TRPM3: variants seen among roughly 807,000 people sequenced by gnomAD.
The protein encoded by TRPM3 is transient receptor potential cation channel subfamily M member 3.
A neutral mutation model predicts 181.2 loss-of-function variants in TRPM3; 77 were observed. The ratio of observed to expected loss-of-function variants is 0.42; its 90% CI spans 0.35 to 0.51. TRPM3 has a LOEUF of 0.51. Among genes scored for constraint, TRPM3 ranks in the 20% least tolerant of loss-of-function variants. The pLI is 0.01. For synonymous variants in TRPM3, 745 were observed against 796.4 expected, an observed-to-expected ratio of 0.94 and a Z score of 1.09; for missense variants, 1,759 against 2,196.7, an observed-to-expected ratio of 0.80 and a Z score of 3.98.
intron 9 of TRPM3, among the ~76,000 whole-genome samples, chr9:70,654,961 G>A (rs912187851): frequency 9.9e-5 from 15 of 151,192 alleles, no homozygotes; most frequent in South Asian, 2.1e-4. Context: ...GGGATTACAG[G>A]CGTGAAGCAC....
At chr9:70,761,364 G>T (rs913578340) in intron 8 of TRPM3, 2 of 654,016 alleles carry the variant, frequency 3.1e-6, no homozygotes, top group Non-Finnish European at 5.6e-6. Flanking sequence ...GCGTTTGGAT[G>T]AGCTCCAAAA....
chr9:71,193,383 T>A (rs1443882195), intron 1 of TRPM3, among the ~76,000 whole-genome samples: 1 of 151,908 alleles, frequency 6.6e-6, no homozygotes, highest in Non-Finnish European at 1.5e-5. Context: ...ATAATTCTCA[T>A]GACTTTACCC....
intron 8 of TRPM3, among the ~76,000 whole-genome samples, chr9:70,689,074 T>A (rs910056185): frequency 1.3e-5 from 2 of 152,184 alleles, no homozygotes; most frequent in African/African-American, 4.8e-5. Context: ...GCAAAGTGAA[T>A]GTGGTGTATT....
At chr9:70,882,440 C>T (rs1381916773) in intron 1 of TRPM3, among the ~76,000 whole-genome samples, 1 of 152,010 alleles carries the variant, frequency 6.6e-6, no homozygotes, top group Non-Finnish European at 1.5e-5. Context: ...TTTTTCATTG[C>T]TGGTTGTTAG....
At chr9:71,342,932 T>A (rs145268877) in intron 1 of TRPM3, among the ~76,000 whole-genome samples, 56 of 152,264 alleles carry the variant, frequency 3.7e-4, no homozygotes, top group Admixed American at 2.0e-3. Context: ...TGAAGAATCC[T>A]TTAATGCCTA....
rs140148752 is a variant in TRPM3 at position 70,761,494 on chromosome 9, G to T, written c.1272+107C>A. Reference sequence around the variant, plus strand: ...CAATGGAGCCTGAGGAGAGCTGTAAGCTCGGCCAGAAAGAGAGAATGTTGC... The same window carrying T: ...CAATGGAGCCTGAGGAGAGCTGTAATCTCGGCCAGAAAGAGAGAATGTTGC... On this transcript the variant is annotated intron_variant, in intron 8 of 25. Coordinates refer to ENST00000677713, the MANE Select transcript of TRPM3 (RefSeq NM_001366145.2). 1.8e-4 allele frequency: 280 copies of T among 1,528,624 alleles called. No homozygotes were observed. In the African/African-American group the frequency reaches 3.6e-3, roughly 20 times the overall value. 94.7% of individuals were successfully genotyped at this position (1,528,624 alleles called of 1,614,324 possible).
At position 71,446,708 on chromosome 9, in the gene TRPM3, A is replaced by T; in HGVS notation, c.128T>A (p.Leu43Ter). 1 of 1,550,576 alleles carries T rather than the reference A, an allele frequency of 6.4e-7. No individual in the cohort carries two copies. Among genetic ancestry groups the T allele is most frequent in the Non-Finnish European group, 8.7e-7 (1 of 1,146,968 alleles). Residue 43 changes from leucine to a stop codon, truncating the protein, a stop_gained, in exon 1 of 25, where the codon TTA becomes TAA. Transcript: ENST00000357533. LOFTEE classifies it high-confidence loss of function. ...TTTGGTGGACCCCTGCTTGGAACTT[A>T]ACCTTTTCCACGACTCGGCAAACCT...
chr9:70,960,464 TG>T (rs1315317918), intron 1 of TRPM3, among the ~76,000 whole-genome samples: 1 of 152,194 alleles, frequency 6.6e-6, no homozygotes, highest in Non-Finnish European at 1.5e-5. Context: ...GAAAACCTTC[TG>T]GGACACCTGG....
At position 70,948,834 on chromosome 9, in the gene TRPM3, C is replaced by T. The variant is rs72729801; in HGVS notation, c.178-84323G>A. ...ATGGATTTGCTTGAACTACTTAAAC[C>T]GTTTTTCTATTGCCAAGAATAGTAA... is the stretch of plus-strand genomic sequence containing the variant. On this transcript the variant is annotated intron_variant, in intron 1 of 25. Coordinates refer to ENST00000677713, the MANE Select transcript of TRPM3 (RefSeq NM_001366145.2). 5.3e-3 allele frequency among the ~76,000 whole-genome samples: 809 copies of T among 152,226 alleles called. 8 individuals are homozygous for T. Among genetic ancestry groups the T allele is most frequent in the Middle Eastern group, 0.014 (4 of 294 alleles).
At chr9:71,386,827 ACAAT>A (rs1267109143) in intron 1 of TRPM3, among the ~76,000 whole-genome samples, 1 of 152,212 alleles carries the variant, frequency 6.6e-6, no homozygotes, top group African/African-American at 2.4e-5. Context: ...GAAGAAAATG[ACAAT>A]CAGTGTTCCG....
intron 1 of TRPM3, among the ~76,000 whole-genome samples, chr9:71,328,881 C>A (rs1345041699): frequency 1.3e-5 from 2 of 152,322 alleles, no homozygotes; most frequent in African/African-American, 4.8e-5. Flanking sequence ...AGCAATGTAT[C>A]CCTATAACCA....
rs182032943 is a variant in TRPM3, at chr9:70,846,723, G to T, written c.463-132C>A. The T allele has an allele frequency of 4.3e-5, 29 of 677,758 alleles. No homozygotes were observed. The South Asian group carries it at 4.9e-4, about 12-fold the overall frequency. The allele number at this position is 677,758 out of a possible 1,614,324, so 42.0% of individuals were successfully genotyped here. ...ATATAAAATCAGATTTTTTTAAAAG[G>T]GGTGATCATTTGCTTTATCAAAAGA... is the stretch of plus-strand genomic sequence containing the variant. On this transcript the variant is annotated intron_variant, in intron 3 of 25. Coordinates refer to ENST00000677713, the MANE Select transcript of TRPM3 (RefSeq NM_001366145.2).
chr9:71,355,923 A>G (rs1409787445), intron 1 of TRPM3, among the ~76,000 whole-genome samples: 3 of 152,194 alleles, frequency 2.0e-5, no homozygotes, highest in Non-Finnish European at 2.9e-5. Flanking sequence ...TAGACAAGTA[A>G]AACTTCTATT....
chr9:70,594,746 A>G (rs1168830202), intron 21 of TRPM3, among the ~76,000 whole-genome samples: 1 of 152,212 alleles, frequency 6.6e-6, no homozygotes, highest in Non-Finnish European at 1.5e-5. Flanking sequence ...CAGGAATCTC[A>G]TCAGCTGTCT....
chr9:71,263,470 T>C (rs1056632485), intron 1 of TRPM3, among the ~76,000 whole-genome samples: 3 of 152,236 alleles, frequency 2.0e-5, no homozygotes, highest in African/African-American at 7.2e-5. Context: ...GTATCTTTCA[T>C]CTTCCAACCT....
At chr9:71,162,099 C>G (rs2076298266) in intron 1 of TRPM3, among the ~76,000 whole-genome samples, 2 of 145,462 alleles carry the variant, frequency 1.4e-5, no homozygotes, top group South Asian at 4.3e-4. Flanking sequence ...ACTGAGGAGG[C>G]TGAGACAGGA....
intron 1 of TRPM3, among the ~76,000 whole-genome samples, chr9:71,231,246 A>T (rs1336816768): frequency 2.0e-5 from 3 of 152,184 alleles, no homozygotes; most frequent in Non-Finnish European, 4.4e-5. Context: ...TGGGTGGCCC[A>T]ATTCAATATG....
At chr9:71,049,777 G>C (rs1431374278) in intron 1 of TRPM3, among the ~76,000 whole-genome samples, 1 of 152,146 alleles carries the variant, frequency 6.6e-6, no homozygotes, top group Non-Finnish European at 1.5e-5. Context: ...ATGGGCTCCA[G>C]AGTCTTGGGA....
At chr9:70,604,641 T>A (rs2060669486) in intron 19 of TRPM3, among the ~76,000 whole-genome samples, 3 of 152,188 alleles carry the variant, frequency 2.0e-5, no homozygotes, top group Non-Finnish European at 2.9e-5. Context: ...CTGCTTTCTC[T>A]ACTAATTCTC....
Sources: gnomAD v4.1 joint callset for allele counts (sites outside exome capture counted in the v4.1 genomes callset) on GRCh38, gnomAD v4.1.1 for gene constraint, MANE v1.5 for transcripts, NCBI Gene and HGNC (gene_info 2026-07-23, HGNC 2026-07-21) for gene names.